The following KIF1A variants were observed in gnomAD, a reference collection of about 807,000 sequenced individuals.
KIF1A encodes kinesin-like protein KIF1A.
KIF1A carries 46 observed loss-of-function variants against 227.3 expected under a neutral mutation model. The observed-to-expected ratio is 0.20, with a 90% CI of 0.16 to 0.26. The LOEUF is 0.26. Among genes scored for constraint, KIF1A ranks in the 10% least tolerant of loss-of-function variants. KIF1A has a pLI of 1.00. For missense variants in KIF1A, 1,683 were observed against 2,485.9 expected (o/e 0.68, Z 6.87); for synonymous variants, 1,022 against 1,012.8 (o/e 1.01, Z -0.17).
chr2:240,819,767 A>C (rs1275665128), intron 1 of KIF1A, among the ~76,000 whole-genome samples: 1 of 151,824 alleles, frequency 6.6e-6, no homozygotes, highest in East Asian at 1.9e-4. Context: ...ATAGCCGGGG[A>C]AGGGCGGGGG....
chr2:240,718,142 C>T lies in KIF1A; in HGVS notation c.5241G>A (p.Thr1747=), dbSNP rs375709030. The change falls in exon 48 of 49, where the codon ACG becomes ACA. Residue 1747 remains threonine (T), a synonymous_variant. Coordinates refer to ENST00000498729, the MANE Select transcript of KIF1A (RefSeq NM_001244008.2). The stretch of plus-strand genomic sequence containing the variant: ...CCTGCAGCAGGATGCCGCGGTGTTC[C>T]GTGCACACCGCGAATGTGTTGGGTG... ...LKTPNTFAVC[T]EHRGILLQAA... The T allele has an allele frequency of 1.4e-4, 229 of 1,607,980 alleles. No individual in the cohort carries two copies. The highest frequency in any genetic ancestry group is 1.8e-4 in the Non-Finnish European group (214 of 1,177,778).
chr2:240,782,498 C>A, intron 10 of KIF1A, 92 bp downstream of exon 10: 1 of 1,369,232 alleles, frequency 7.3e-7, no homozygotes, highest in Non-Finnish European at 1.0e-6. Flanking sequence ...GCACTCACTG[C>A]CCGCCCCGCC....
intron 12 of KIF1A, 47 bp from the exon 13 acceptor site, chr2:240,773,303 T>G (rs1463622085): frequency 1.2e-6 from 2 of 1,609,790 alleles, no homozygotes; most frequent in Non-Finnish European, 8.5e-7. Context: ...CAGGTCCACA[T>G]CTGGCAGGTC....
At chr2:240,755,035 C>A (rs1237473833) in intron 27 of KIF1A, among the ~76,000 whole-genome samples, 1 of 152,228 alleles carries the variant, frequency 6.6e-6, no homozygotes, top group Non-Finnish European at 1.5e-5. Context: ...TCTGCAGCTC[C>A]TGTGCCCACC....
chr2:240,809,756 C>A (rs764946924), intron 1 of KIF1A, among the ~76,000 whole-genome samples: 1 of 150,256 alleles, frequency 6.7e-6, no homozygotes, highest in African/African-American at 2.5e-5. Context: ...GCAACCTCTG[C>A]CACCAGGATT....
chr2:240,753,767 G>A (rs1368271928), intron 27 of KIF1A, among the ~76,000 whole-genome samples: 1 of 152,132 alleles, frequency 6.6e-6, no homozygotes, highest in Non-Finnish European at 1.5e-5. Flanking sequence ...TCCACCCAGG[G>A]TCTCAGCACA....
Position 240,819,700 on chromosome 2 carries a change from C to G in KIF1A, c.-61+422G>C, listed in dbSNP as rs1371063495. On this transcript the variant is annotated intron_variant, in intron 1 of 48. Transcript: ENST00000498729. ...GCTCACCATCCCTCCCCTCCCCCGC[C>G]GTCTGGGCGCAGCCCCTCCCGCAGC... Among the ~76,000 whole-genome samples, 7 of 151,520 alleles carry G rather than the reference C, an allele frequency of 4.6e-5. No homozygotes were observed. In the East Asian group the frequency reaches 1.4e-3, roughly 30 times the overall value.
rs148729178 is a variant in KIF1A, at chr2:240,794,198, C to T, written c.106+3449G>A. On this transcript the variant is annotated intron_variant, in intron 2 of 48. Coordinates refer to ENST00000498729, the MANE Select transcript of KIF1A (RefSeq NM_001244008.2). ...GCTTCCCTGCGCCAGGCCTAGGGGA[C>T]ATCCTTCTCTCCTGAGCTCCCTCAG... is the stretch of plus-strand genomic sequence containing the variant. 1.4e-4 allele frequency among the ~76,000 whole-genome samples: 22 copies of T among 152,338 alleles called. 1 individual carries two copies. In the East Asian group the frequency reaches 1.7e-3, roughly 12 times the overall value.
At chr2:240,749,451 C>T (rs1488933524) in intron 28 of KIF1A, among the ~76,000 whole-genome samples, 1 of 152,168 alleles carries the variant, frequency 6.6e-6, no homozygotes, top group East Asian at 1.9e-4. Flanking sequence ...ATCCATCTGC[C>T]TGTCTGTGTG....
chr2:240,779,878 C>G (rs1303890328), intron 10 of KIF1A, among the ~76,000 whole-genome samples: 1 of 152,226 alleles, frequency 6.6e-6, no homozygotes, highest in Non-Finnish European at 1.5e-5. Flanking sequence ...GCTCCACACG[C>G]AGGCTGTCCC....
chr2:240,810,781 G>GT (rs1276679923), intron 1 of KIF1A, among the ~76,000 whole-genome samples: 2 of 152,200 alleles, frequency 1.3e-5, no homozygotes, highest in African/African-American at 4.8e-5. Context: ...GGTGCTGGGC[G>GT]TGGAGGGGGT....
At chr2:240,820,302 G>A (rs1047178492), upstream of KIF1A, 7 of 150,784 alleles carry the variant, frequency 4.6e-5, no homozygotes, top group Non-Finnish European at 7.4e-5. The surrounding 1 kb of genome is among the most constrained non-coding windows in gnomAD (Gnocchi z 6.2). Context: ...GGCTGCGCGC[G>A]GCGTCCGAGC....
At chr2:240,800,241 G>A (rs1167475323) in intron 1 of KIF1A, among the ~76,000 whole-genome samples, 1 of 152,078 alleles carries the variant, frequency 6.6e-6, no homozygotes, top group Non-Finnish European at 1.5e-5. Context: ...TCTAGAACTT[G>A]ATCTTTAAAA....
rs2056041666 is a variant in KIF1A, at chr2:240,793,761, T to A, written c.106+3886A>T. ...TAAATTTACTTTCAAATGCTTCCAA[T>A]TTCTGCGTCACAGCGGAGCTACAAG... On this transcript the variant is annotated intron_variant, in intron 2 of 48. Coordinates refer to ENST00000498729, the MANE Select transcript of KIF1A (RefSeq NM_001244008.2). The surrounding 1 kb of genome is among the most constrained non-coding windows in gnomAD (Gnocchi z 4.8). 6.6e-6 allele frequency among the ~76,000 whole-genome samples: 1 copy of A among 152,206 alleles called. No individual in the cohort carries two copies. The highest frequency in any genetic ancestry group is 2.4e-5 in the African/African-American group (1 of 41,440).
intron 40 of KIF1A, chr2:240,724,713 G>T (rs3755529): frequency 0.33 from 51,731 of 158,540 alleles, 9,052 homozygotes; most frequent in East Asian, 0.45. Context: ...AATCAGGAGC[G>T]TGTTCAGCAC....
At chr2:240,721,098 G>C in intron 44 of KIF1A, 60 bp from the exon 45 acceptor site, 1 of 1,595,424 alleles carries the variant, frequency 6.3e-7, no homozygotes, top group Non-Finnish European at 8.5e-7. Context: ...GCCTCTGTGG[G>C]AGCTGCTCCC....
chr2:240,720,847 G>A, intron 45 of KIF1A, 67 bp downstream of exon 45: 7 of 1,478,312 alleles, frequency 4.7e-6, no homozygotes, highest in Non-Finnish European at 6.3e-6. Context: ...CTGTGCCCGA[G>A]TCACGGCCAT....
At chr2:240,743,524 C>T (rs1415355339) in intron 33 of KIF1A, among the ~76,000 whole-genome samples, 1 of 152,194 alleles carries the variant, frequency 6.6e-6, no homozygotes, top group African/African-American at 2.4e-5. Flanking sequence ...TCTGAGCCCC[C>T]ATTTTCCAGG....
At chr2:240,768,736 G>A (rs2051530233) in intron 17 of KIF1A, among the ~76,000 whole-genome samples, 2 of 152,216 alleles carry the variant, frequency 1.3e-5, no homozygotes, top group South Asian at 4.1e-4. Context: ...AGTCAGACCT[G>A]ACTCTAGCTG....
Sources: allele counts gnomAD v4.1 joint callset (sites outside exome capture counted in the v4.1 genomes callset), GRCh38; gene constraint gnomAD v4.1.1; non-coding constraint Gnocchi (gnomAD v3.1); transcripts MANE v1.5; gene names NCBI Gene and HGNC (gene_info 2026-07-23, HGNC 2026-07-21).